Variants in GABRG3 observed in about 807,000 individuals in gnomAD.
GABRG3 encodes gamma-aminobutyric acid type A receptor subunit gamma3, also known as gamma-aminobutyric acid receptor subunit gamma-3.
In GABRG3, 25 loss-of-function variants were observed where a neutral mutation model predicts 48.8. The ratio of observed to expected loss-of-function variants is 0.51; its 90% CI spans 0.37 to 0.72. The LOEUF is 0.72. GABRG3 is among the 30% of genes least tolerant of loss of function. The pLI is 0.00. For missense variants in GABRG3, 394 were observed against 577.9 expected (o/e 0.68, Z 3.26); for synonymous variants, 227 against 217.6 (o/e 1.04, Z -0.38).
intron 6 of GABRG3, among the ~76,000 whole-genome samples, chr15:27,502,704 G>A (rs34903032): frequency 0.041 from 6,281 of 152,304 alleles, 181 homozygotes; most frequent in Middle Eastern, 0.11. Context: ...CCCTCTTTGG[G>A]TTTGATCAAT....
Position 27,211,144 on chromosome 15 carries a change from T to C in GABRG3, c.271-115665T>C, listed in dbSNP as rs560382245. 5.3e-5 allele frequency among the ~76,000 whole-genome samples: 8 copies of C among 152,308 alleles called. No homozygotes were observed. The South Asian group carries it at 1.7e-3, about 32-fold the overall frequency. On this transcript the variant is annotated intron_variant, in intron 3 of 9. Transcript: ENST00000615808. ...GCTTGGCAGGCCAGCATCTTGAATGTCCTCATCACACGAGTGTGTCCTGGA... is the reference window on the plus strand; with the variant it reads ...GCTTGGCAGGCCAGCATCTTGAATGCCCTCATCACACGAGTGTGTCCTGGA...
At chr15:27,262,403 G>A (rs1890794773) in intron 3 of GABRG3, among the ~76,000 whole-genome samples, 1 of 147,516 alleles carries the variant, frequency 6.8e-6, no homozygotes, top group African/African-American at 2.5e-5. Context: ...ACCACTGAGG[G>A]CCTTAGTGAT....
chr15:27,420,636 G>A (rs1031786586), intron 5 of GABRG3: 8 of 152,184 alleles, frequency 5.3e-5, no homozygotes, highest in Non-Finnish European at 7.4e-5. Flanking sequence ...ATATCAAAAC[G>A]TCAAGTTTTA....
intron 3 of GABRG3, among the ~76,000 whole-genome samples, chr15:27,055,432 G>C (rs1595496992): frequency 1.3e-5 from 2 of 152,172 alleles, no homozygotes; most frequent in South Asian, 4.1e-4. Context: ...TACAGGCGGA[G>C]CATCCCAAAT....
chr15:27,455,161 G>C (rs1164559150), intron 5 of GABRG3, among the ~76,000 whole-genome samples: 1 of 152,194 alleles, frequency 6.6e-6, no homozygotes, highest in Non-Finnish European at 1.5e-5. Flanking sequence ...GACTTTGTGA[G>C]GTCTTAGAAG....
intron 3 of GABRG3, among the ~76,000 whole-genome samples, chr15:27,306,135 T>C (rs924087844): frequency 2.4e-5 from 3 of 127,570 alleles, no homozygotes; most frequent in Admixed American, 1.7e-4. Context: ...TATATGTTTA[T>C]ATATAAACAT....
chr15:27,045,703 G>T (rs74006555), intron 3 of GABRG3, among the ~76,000 whole-genome samples: 1 of 152,108 alleles, frequency 6.6e-6, no homozygotes, highest in Non-Finnish European at 1.5e-5. Flanking sequence ...TTCAATGTGC[G>T]CCAGTTTGCA....
At chr15:27,130,363 G>T (rs550765853) in intron 3 of GABRG3, among the ~76,000 whole-genome samples, 38 of 152,082 alleles carry the variant, frequency 2.5e-4, no homozygotes, top group African/African-American at 8.9e-4. Flanking sequence ...GACAATATTT[G>T]TGTGGCTTTA....
At chr15:27,134,602 T>A (rs559529254) in intron 3 of GABRG3, among the ~76,000 whole-genome samples, 1 of 152,210 alleles carries the variant, frequency 6.6e-6, no homozygotes, top group Admixed American at 6.5e-5. Flanking sequence ...GCCCGGCTTC[T>A]CCTTTCACTT....
intron 3 of GABRG3, among the ~76,000 whole-genome samples, chr15:27,062,643 CAA>C (rs1302914304): frequency 6.6e-6 from 1 of 151,502 alleles, no homozygotes; most frequent in Non-Finnish European, 1.5e-5. Context: ...AAAAAACAAA[CAA>C]AGAAAAATCA....
intron 3 of GABRG3, among the ~76,000 whole-genome samples, chr15:27,318,621 C>T (rs1203866767): frequency 6.6e-6 from 1 of 152,172 alleles, no homozygotes; most frequent in African/African-American, 2.4e-5. Flanking sequence ...CGAACCAGTG[C>T]ATTTACTGTT....
intron 5 of GABRG3, among the ~76,000 whole-genome samples, chr15:27,342,661 A>C (rs1894224977): frequency 6.6e-6 from 1 of 152,184 alleles, no homozygotes; most frequent in South Asian, 2.1e-4. Flanking sequence ...TCTTCATCAG[A>C]GTATTGTGGA....
chr15:27,190,799 G>A (rs1888271049), intron 3 of GABRG3, among the ~76,000 whole-genome samples: 1 of 151,984 alleles, frequency 6.6e-6, no homozygotes. Context: ...TGCTTTTCTA[G>A]TTCTTTTAAT....
intron 3 of GABRG3, among the ~76,000 whole-genome samples, chr15:27,149,230 A>C (rs576686658): frequency 6.6e-6 from 1 of 152,258 alleles, no homozygotes; most frequent in Admixed American, 6.5e-5. Context: ...TAAGAGAATA[A>C]TTTCATTTAT....
At chr15:27,378,485 A>G (rs1341456856) in intron 5 of GABRG3, among the ~76,000 whole-genome samples, 1 of 152,194 alleles carries the variant, frequency 6.6e-6, no homozygotes, top group African/African-American at 2.4e-5. Context: ...GGACAAATTT[A>G]CCCACTGAGA....
intron 3 of GABRG3, among the ~76,000 whole-genome samples, chr15:27,174,371 G>A (rs1272557383): frequency 6.6e-6 from 1 of 152,098 alleles, no homozygotes; most frequent in Non-Finnish European, 1.5e-5. Context: ...TTCATATGTT[G>A]TAACTCATCA....
At chr15:27,045,158 A>ATT (rs1896340975) in intron 3 of GABRG3, among the ~76,000 whole-genome samples, 3 of 152,218 alleles carry the variant, frequency 2.0e-5, no homozygotes, top group Admixed American at 2.0e-4. Flanking sequence ...CTGAAGCTGC[A>ATT]TTATATATAA....
At chr15:27,245,755 C>T (rs1890250757) in intron 3 of GABRG3, among the ~76,000 whole-genome samples, 1 of 152,094 alleles carries the variant, frequency 6.6e-6, no homozygotes, top group African/African-American at 2.4e-5. Context: ...TGCCTGTAAT[C>T]CCAGCTACTC....
At chr15:27,056,794 G>A (rs770965547) in intron 3 of GABRG3, among the ~76,000 whole-genome samples, 31 of 152,174 alleles carry the variant, frequency 2.0e-4, no homozygotes, top group Admixed American at 1.6e-3. Context: ...AATGGAACTC[G>A]TTTGTAGGGT....
Sources: gnomAD v4.1 joint callset for allele counts (sites outside exome capture counted in the v4.1 genomes callset) on GRCh38, gnomAD v4.1.1 for gene constraint, MANE v1.5 for transcripts, NCBI Gene and HGNC (gene_info 2026-07-23, HGNC 2026-07-21) for gene names.